ABCB5: variants seen among roughly 807,000 people sequenced by gnomAD.
ABCB5 encodes ATP binding cassette subfamily B member 5, also known as ATP-binding cassette sub-family B member 5.
ABCB5 carries 155 observed loss-of-function variants against 144.2 expected under a neutral mutation model. The observed-to-expected ratio is 1.08, with a 90% CI of 0.94 to 1.23. The LOEUF (loss-of-function observed/expected upper bound fraction) is 1.23, where lower values mean the gene tolerates loss of function less well. ABCB5 is among the 50% of genes most tolerant of loss of function. The pLI, the probability that ABCB5 is intolerant of heterozygous loss-of-function variation, is 0.00. For synonymous variants in ABCB5, 610 were observed against 528.6 expected, an observed-to-expected ratio of 1.15 and a Z score of -2.11; for missense variants, 1,830 against 1,520.8, an observed-to-expected ratio of 1.20 and a Z score of -3.38.
At chr7:20,742,734 G>C in intron 24 of ABCB5, 143 bp from the exon 25 acceptor site, 1 of 738,000 alleles carries the variant, frequency 1.4e-6, no homozygotes, top group Admixed American at 2.6e-5. Context: ...GCAGTCAACA[G>C]CTCTACAGAG....
intron 1 of ABCB5, among the ~76,000 whole-genome samples, chr7:20,617,924 A>G (rs182678635): frequency 4.7e-4 from 72 of 152,348 alleles, no homozygotes; most frequent in African/African-American, 1.6e-3. Flanking sequence ...TATAACAACT[A>G]TAAGCACACA....
intron 4 of ABCB5, among the ~76,000 whole-genome samples, chr7:20,631,055 C>A (rs906184237): frequency 6.6e-6 from 1 of 152,062 alleles, no homozygotes. Flanking sequence ...CAGGATTATT[C>A]GTTCCTATAA....
chr7:20,628,647 T>C, intron 3 of ABCB5, 41 bp from the exon 4 acceptor site: 1 of 1,590,166 alleles, frequency 6.3e-7, no homozygotes. Context: ...TGTGTTTGTT[T>C]GTTTTACAGT....
At chr7:20,730,945 T>C (rs1370686061) in intron 23 of ABCB5, among the ~76,000 whole-genome samples, 3 of 152,188 alleles carry the variant, frequency 2.0e-5, no homozygotes, top group South Asian at 2.1e-4. Context: ...ATTAAACATA[T>C]TCATACTAAT....
intron 4 of ABCB5, 68 bp downstream of exon 4, chr7:20,628,906 A>T (rs1783969868): frequency 1.3e-6 from 2 of 1,520,248 alleles, no homozygotes; most frequent in Non-Finnish European, 1.8e-6. Context: ...AACAAACGTT[A>T]AGCTAGCAAG....
At chr7:20,632,978 T>C (rs988647206) in intron 5 of ABCB5, among the ~76,000 whole-genome samples, 1 of 151,614 alleles carries the variant, frequency 6.6e-6, no homozygotes, top group Admixed American at 6.6e-5. Flanking sequence ...AACCTGCACA[T>C]TGTGCACATG....
At chr7:20,723,345 T>G (rs1477633626) in intron 21 of ABCB5, 126 bp downstream of exon 21, 2 of 993,118 alleles carry the variant, frequency 2.0e-6, no homozygotes, top group African/African-American at 3.3e-5. Context: ...CTTAGGGATC[T>G]GTAAAGTGAT....
chr7:20,640,510 AGC>A (rs1784273266), intron 5 of ABCB5, among the ~76,000 whole-genome samples: 1 of 152,196 alleles, frequency 6.6e-6, no homozygotes, highest in East Asian at 1.9e-4. Flanking sequence ...AAGGAGCGCT[AGC>A]CATCAGTTCA....
intron 20 of ABCB5, among the ~76,000 whole-genome samples, chr7:20,707,105 T>A (rs1786850851): frequency 6.6e-6 from 1 of 152,200 alleles, no homozygotes; most frequent in Non-Finnish European, 1.5e-5. Flanking sequence ...GGGTCATATT[T>A]CCTATCATAT....
intron 20 of ABCB5, among the ~76,000 whole-genome samples, chr7:20,711,840 CTTTCTTTTCTTTCTTTCT>C (rs1787068154): frequency 1.1e-4 from 6 of 54,746 alleles, no homozygotes; most frequent in African/African-American, 6.0e-4. Flanking sequence ...TTCTTTCTTT[CTTTCTTTTCTTTCTTTCT>C]TTCCTTCCTC....
chr7:20,694,330 T>G (rs888392854), intron 16 of ABCB5, among the ~76,000 whole-genome samples: 6 of 151,966 alleles, frequency 3.9e-5, no homozygotes, highest in Non-Finnish European at 8.8e-5. Flanking sequence ...CATTCAGAAA[T>G]TAATGTAATT....
chr7:20,698,816 G>A (rs1335215457), intron 17 of ABCB5, among the ~76,000 whole-genome samples: 3 of 152,196 alleles, frequency 2.0e-5, no homozygotes, highest in Non-Finnish European at 4.4e-5. Context: ...TGCTGGATCA[G>A]CATTCCAAAA....
intron 16 of ABCB5, 116 bp downstream of exon 16, chr7:20,685,952 C>T: frequency 9.2e-7 from 1 of 1,089,552 alleles, no homozygotes; most frequent in Non-Finnish European, 1.2e-6. Context: ...ACTAAGCTCA[C>T]AAAACATGTC....
chr7:20,754,284 T>C (rs1470660319), intron 27 of ABCB5, among the ~76,000 whole-genome samples: 2 of 152,208 alleles, frequency 1.3e-5, no homozygotes, highest in Non-Finnish European at 2.9e-5. Context: ...AATCCACCCA[T>C]GATTGCTGCT....
chr7:20,650,356 G>A (rs1421749869), intron 12 of ABCB5, among the ~76,000 whole-genome samples: 1 of 152,146 alleles, frequency 6.6e-6, no homozygotes, highest in African/African-American at 2.4e-5. Context: ...GAATACCTAG[G>A]TGAATAAAAC....
In ABCB5 at chr7:20,745,265, G is replaced by T. The variant is rs377230083; in HGVS notation, c.3256G>T (p.Val1086Leu). The change falls in exon 26 of 28, where the codon GTA becomes TTA. Residue 1086 changes from valine to leucine, a missense_variant. Transcript: ENST00000404938. ...FDGVDAKELN[V>L]QWLRSQIAIV... ...TGGTGTGGATGCAAAAGAATTGAAT[G>T]TACAGTGGCTCCGTTCCCAAATAGC... 2 of 1,613,964 alleles carry T rather than the reference G, an allele frequency of 1.2e-6. No homozygotes were observed. Among genetic ancestry groups the T allele is most frequent in the South Asian group, 2.2e-5 (2 of 91,072 alleles).
chr7:20,745,062 G>A (rs1782676846), intron 25 of ABCB5, among the ~76,000 whole-genome samples, 170 bp from the exon 26 acceptor site: 1 of 152,152 alleles, frequency 6.6e-6, no homozygotes, highest in Admixed American at 6.5e-5. Context: ...CACGCTGTTT[G>A]CTTCTATACA....
chr7:20,744,401 C>T (rs1472602754), intron 25 of ABCB5, among the ~76,000 whole-genome samples: 1 of 152,088 alleles, frequency 6.6e-6, no homozygotes, highest in African/African-American at 2.4e-5. Flanking sequence ...GTCCCCTTTG[C>T]AGGCTCCTTC....
intron 26 of ABCB5, among the ~76,000 whole-genome samples, chr7:20,749,778 C>T (rs557400882): frequency 6.6e-6 from 1 of 152,090 alleles, no homozygotes; most frequent in East Asian, 1.9e-4. Flanking sequence ...TCAGAGGAGA[C>T]CTTTGGAGAA....
Sources: gnomAD v4.1 joint callset for allele counts (sites outside exome capture counted in the v4.1 genomes callset) on GRCh38, gnomAD v4.1.1 for gene constraint, MANE v1.5 for transcripts, NCBI Gene and HGNC (gene_info 2026-07-23, HGNC 2026-07-21) for gene names.